The following SYT13 variants were observed in gnomAD, a reference collection of about 807,000 sequenced individuals.
SYT13 encodes synaptotagmin-13.
Under a neutral mutation model 38.6 loss-of-function variants are expected in SYT13, and 21 were observed. The observed-to-expected ratio is 0.54, with a 90% CI of 0.39 to 0.78. The LOEUF is 0.78. SYT13 is among the 30% of genes least tolerant of loss of function. The pLI is 0.00. For missense variants in SYT13, 495 were observed against 548.7 expected, an observed-to-expected ratio of 0.90 and a Z score of 0.98; for synonymous variants, 241 against 237.6, an observed-to-expected ratio of 1.01 and a Z score of -0.13.
intron 1 of SYT13, among the ~76,000 whole-genome samples, chr11:45,264,062 C>A (rs1854852372): frequency 6.6e-6 from 1 of 152,166 alleles, no homozygotes; most frequent in Admixed American, 6.5e-5. Flanking sequence ...AGTTGATGAA[C>A]TACTTTTTGT....
At chr11:45,278,940 G>A (rs1461391248) in intron 1 of SYT13, among the ~76,000 whole-genome samples, 1 of 152,238 alleles carries the variant, frequency 6.6e-6, no homozygotes, top group Non-Finnish European at 1.5e-5. Context: ...TAAAATTTCT[G>A]TGGAGGGCCC....
chr11:45,269,493 A>G (rs753227964), intron 1 of SYT13: 1 of 1,287,230 alleles, frequency 7.8e-7, no homozygotes, highest in South Asian at 1.2e-5. Context: ...TGTAAACTTC[A>G]TATGTAACAG....
intron 5 of SYT13, among the ~76,000 whole-genome samples, chr11:45,245,561 C>G (rs1854603935): frequency 6.6e-6 from 1 of 152,212 alleles, no homozygotes; most frequent in South Asian, 2.1e-4. Flanking sequence ...AGTGGCAATT[C>G]TTTATTTGTA....
intron 1 of SYT13, among the ~76,000 whole-genome samples, chr11:45,274,727 A>G (rs949497540): frequency 6.6e-6 from 1 of 152,210 alleles, no homozygotes; most frequent in Non-Finnish European, 1.5e-5. Flanking sequence ...TTCAAACACC[A>G]TCTTTTCCAA....
intron 1 of SYT13, among the ~76,000 whole-genome samples, chr11:45,285,531 C>T (rs958831360): frequency 2.0e-5 from 3 of 152,102 alleles, no homozygotes; most frequent in African/African-American, 2.4e-5. Context: ...CAGGCATTAC[C>T]TCTTCTCAGC....
rs1445624569 is a variant in SYT13, at chr11:45,255,855, G to A, written c.220C>T (p.Arg74Cys). The A allele has an allele frequency of 5.6e-6, 9 of 1,614,162 alleles. No individual in the cohort carries two copies. The highest frequency in any genetic ancestry group is 3.3e-5 in the South Asian group (3 of 91,070). The change falls in exon 2 of 6, where the codon CGT becomes TGT. Residue 74 changes from arginine (R) to cysteine (C), a missense_variant. By Grantham distance (180) the Arg-to-Cys change is radical. Transcript: ENST00000020926. The stretch of plus-strand genomic sequence containing the variant: ...ATGTCTGGGAACTTGAGGAGGGCAC[G>A]GGGCTGAACAGGTTCCGTGGACTTT... The part of the protein sequence containing the change: ...VKKSTEPVQP[R>C]ALLKFPDIYG...
intron 1 of SYT13, among the ~76,000 whole-genome samples, chr11:45,278,498 G>A (rs1855035411): frequency 6.6e-6 from 1 of 151,964 alleles, no homozygotes; most frequent in Non-Finnish European, 1.5e-5. Flanking sequence ...GCCCCCTCTG[G>A]TTTGTCTTTC....
chr11:45,264,273 C>T (rs947888269), intron 1 of SYT13, among the ~76,000 whole-genome samples: 17 of 152,170 alleles, frequency 1.1e-4, no homozygotes, highest in Non-Finnish European at 8.8e-5. Context: ...TTGGTGTCCA[C>T]GCCCTTGTAT....
At chr11:45,248,875 A>G (rs187979016) in intron 4 of SYT13, among the ~76,000 whole-genome samples, 83 of 152,280 alleles carry the variant, frequency 5.5e-4, no homozygotes, top group African/African-American at 1.9e-3. Context: ...GACAATTTCA[A>G]CACCTGCTCC....
intron 2 of SYT13, among the ~76,000 whole-genome samples, chr11:45,254,879 C>T (rs576870980): frequency 2.0e-5 from 3 of 152,074 alleles, no homozygotes; most frequent in Admixed American, 6.6e-5. Flanking sequence ...TTCGAGAGGC[C>T]AAGGCAAGAA....
In SYT13 at chr11:45,268,793, G is replaced by T. The variant is rs968530673; in HGVS notation, c.184-12902C>A. ...GTAGATATAAGGAGAAGCCAGTGGG[G>T]CTGGAGGAAGGATGTCCCATCTCTA... On this transcript the variant is annotated intron_variant, in intron 1 of 5. Transcript: ENST00000020926. Among the ~76,000 whole-genome samples, 6 of 152,254 alleles carry T rather than the reference G, an allele frequency of 3.9e-5. No homozygotes were observed. The East Asian group carries it at 7.7e-4, about 20-fold the overall frequency.
At chr11:45,286,003 C>T (rs1375680047) in intron 1 of SYT13, 22 bp downstream of exon 1, 2 of 1,597,440 alleles carry the variant, frequency 1.3e-6, no homozygotes, top group East Asian at 2.2e-5. Context: ...CCGGGAAGGG[C>T]CTGCGCGCCG....
At chr11:45,265,111 T>G (rs1309692103) in intron 1 of SYT13, among the ~76,000 whole-genome samples, 2 of 152,202 alleles carry the variant, frequency 1.3e-5, no homozygotes, top group Non-Finnish European at 2.9e-5. Context: ...AACAGGACAA[T>G]GGAGAAGTCC....
At position 45,244,122 on chromosome 11, in the gene SYT13, C is replaced by T. The variant is rs369729181; in HGVS notation, c.1211G>A (p.Arg404His). The change falls in exon 6 of 6, where the codon CGC becomes CAC. Residue 404 changes from arginine (R) to histidine (H), a missense_variant. Coordinates refer to ENST00000020926, the MANE Select transcript of SYT13 (RefSeq NM_020826.3). The part of the protein sequence containing the change: ...SLGLHTSGSE[R>H]SHWEEMLKNP... ...TTTGAGCATCTCCTCCCAGTGGCTG[C>T]GCTCAGAGCCCGAGGTGTGCAGGCC... The T allele has an allele frequency of 2.4e-5, 38 of 1,612,660 alleles. No individual in the cohort carries two copies. In the African/African-American group the frequency reaches 3.9e-4, roughly 16 times the overall value.
chr11:45,264,895 A>G (rs1854863198), intron 1 of SYT13, among the ~76,000 whole-genome samples: 1 of 152,238 alleles, frequency 6.6e-6, no homozygotes, highest in Admixed American at 6.5e-5. Flanking sequence ...TGCCGGTGGA[A>G]GGGAAAATGG....
Position 45,254,397 on chromosome 11 carries a change from C to T in SYT13, c.417G>A (p.Val139=). Residue 139 remains valine (V), a synonymous_variant, in exon 3 of 6, where the codon GTG becomes GTA. Transcript: ENST00000020926. ...AGGTCTCCATGACACAGACATCCTC[C>T]ACCACACCTGTTAAGAAAGTCGAAA... The part of the protein sequence containing the change: ...ELFILPQNGV[V]EDVCVMETWN... The T allele has an allele frequency of 6.2e-7, 1 of 1,612,228 alleles. No individual in the cohort carries two copies. Among genetic ancestry groups the T allele is most frequent in the South Asian group, 1.1e-5 (1 of 90,556 alleles).
Position 45,254,675 on chromosome 11 carries a change from T to C in SYT13, c.410-271A>G, listed in dbSNP as rs1854720898. The C allele has an allele frequency of 8.4e-6, 3 of 356,204 alleles. No homozygotes were observed. In the South Asian group the frequency reaches 2.3e-4, roughly 28 times the overall value. 22.1% of individuals were successfully genotyped at this position (356,204 alleles called of 1,614,324 possible). ...CTCTCCCTGCTTTATGTTTTGTCTT[T>C]CTAAAACGCCTACATATTCTTTGGG... On this transcript the variant is annotated intron_variant, in intron 2 of 5. Coordinates refer to ENST00000020926, the MANE Select transcript of SYT13 (RefSeq NM_020826.3).
Position 45,250,956 on chromosome 11 carries a change from T to C in SYT13, c.846+1465A>G, listed in dbSNP as rs575990424. On this transcript the variant is annotated intron_variant, in intron 4 of 5. Coordinates refer to ENST00000020926, the MANE Select transcript of SYT13 (RefSeq NM_020826.3). ...GCCATTTCCTGGCTGTGGGACCCTG[T>C]GTGGATTCCTGAACTGCTATGACCC... Among the ~76,000 whole-genome samples, 6 of 152,198 alleles carry C rather than the reference T, an allele frequency of 3.9e-5. No homozygotes were observed. In the South Asian group the frequency reaches 1.2e-3, roughly 32 times the overall value.
At chr11:45,254,716 T>G (rs1204408251) in intron 2 of SYT13, 1 of 238,984 alleles carries the variant, frequency 4.2e-6, no homozygotes, top group Non-Finnish European at 8.0e-6. Flanking sequence ...GACGATCATG[T>G]CTCTTCTTCC....
Sources: gnomAD v4.1 joint callset for allele counts (sites outside exome capture counted in the v4.1 genomes callset) on GRCh38, gnomAD v4.1.1 for gene constraint, MANE v1.5 for transcripts, NCBI Gene and HGNC (gene_info 2026-07-23, HGNC 2026-07-21) for gene names.